The following ZDHHC2 variants were observed in gnomAD, a reference collection of about 807,000 sequenced individuals.
ZDHHC2 encodes zDHHC palmitoyltransferase 2.
Under a neutral mutation model 55.6 loss-of-function variants are expected in ZDHHC2, and 51 were observed. The ratio of observed to expected loss-of-function variants is 0.92; its 90% CI spans 0.73 to 1.16. The LOEUF (loss-of-function observed/expected upper bound fraction) is 1.16, where lower values mean the gene tolerates loss of function less well. Ranked by LOEUF, ZDHHC2 falls within the 50% of genes most tolerant of loss-of-function variation. The pLI, the probability that ZDHHC2 is intolerant of heterozygous loss-of-function variation, is 0.00. For synonymous variants in ZDHHC2, 199 were observed against 152.9 expected (o/e 1.30, Z -2.22); for missense variants, 491 against 442.4 (o/e 1.11, Z -0.99).
chr8:17,224,356 G>A lies in ZDHHC2; in HGVS notation c.*4135G>A, dbSNP rs940735504. On this transcript the variant is annotated 3_prime_UTR_variant, in exon 13 of 13. Transcript: ENST00000262096. ...AAATGTCTGTTAAGGCTAATCATCT[G>A]AGTGATTTGAGTAGCAATTAAACCA... The A allele has an allele frequency of 2.0e-5, 3 of 151,668 alleles. No individual in the cohort carries two copies. The highest frequency in any genetic ancestry group is 6.6e-5 in the Admixed American group (1 of 15,180). 9.4% of individuals were successfully genotyped at this position (151,668 alleles called of 1,614,324 possible). A position where few individuals can be genotyped will look rare whatever the true frequency, so the allele number is the denominator to read the frequency against.
At chr8:17,198,710 A>G (rs1806454139) in intron 6 of ZDHHC2, among the ~76,000 whole-genome samples, 1 of 152,224 alleles carries the variant, frequency 6.6e-6, no homozygotes, top group Non-Finnish European at 1.5e-5. Flanking sequence ...AGAATACTTC[A>G]CAGAAATACA....
intron 2 of ZDHHC2, 115 bp downstream of exon 2, chr8:17,184,930 AG>A: frequency 1.1e-6 from 1 of 877,492 alleles, no homozygotes; most frequent in East Asian, 2.7e-5. Flanking sequence ...GAGACAAGCT[AG>A]GGTTAAAGAT....
intron 1 of ZDHHC2, among the ~76,000 whole-genome samples, chr8:17,179,812 G>C (rs1001493231): frequency 6.6e-6 from 1 of 152,212 alleles, no homozygotes; most frequent in African/African-American, 2.4e-5. Context: ...CCTATATACC[G>C]TCAGGGCCAA....
intron 6 of ZDHHC2, among the ~76,000 whole-genome samples, chr8:17,204,742 A>G (rs950490605): frequency 2.0e-5 from 3 of 152,176 alleles, no homozygotes; most frequent in Non-Finnish European, 4.4e-5. Context: ...GAAATAATCT[A>G]TACAACAGAC....
At chr8:17,168,086 C>T (rs1021186043) in intron 1 of ZDHHC2, among the ~76,000 whole-genome samples, 22 of 151,998 alleles carry the variant, frequency 1.4e-4, no homozygotes, top group East Asian at 5.8e-4. Flanking sequence ...GCAGTAAATC[C>T]GAGATAGATA....
chr8:17,176,670 G>A (rs1342924929), intron 1 of ZDHHC2, among the ~76,000 whole-genome samples: 2 of 152,136 alleles, frequency 1.3e-5, no homozygotes, highest in Non-Finnish European at 1.5e-5. Flanking sequence ...TCAAGGGAGG[G>A]TACAATGTTA....
chr8:17,214,910 A>G (rs1200573068), intron 10 of ZDHHC2, among the ~76,000 whole-genome samples: 1 of 152,148 alleles, frequency 6.6e-6, no homozygotes, highest in African/African-American at 2.4e-5. Context: ...AAATACATAC[A>G]TAAAATTGAT....
intron 1 of ZDHHC2, among the ~76,000 whole-genome samples, chr8:17,182,445 T>TA (rs1331471091): frequency 2.0e-5 from 3 of 152,144 alleles, no homozygotes; most frequent in African/African-American, 7.2e-5. Context: ...TAAACAGAGT[T>TA]ACGTTTACAG....
chr8:17,182,758 C>CT (rs1279064245), intron 1 of ZDHHC2, among the ~76,000 whole-genome samples: 1 of 151,116 alleles, frequency 6.6e-6, no homozygotes. Flanking sequence ...CCAACTACAC[C>CT]TTTTTTTTTG....
At position 17,223,824 on chromosome 8, in the gene ZDHHC2, T is replaced by C. The variant is rs1043054067; in HGVS notation, c.*3603T>C. ...GAACACAGGAAATTGTTAAACCTTA[T>C]AATGTTGCAAACCATGCATTTTCCT... is the stretch of plus-strand genomic sequence containing the variant. On this transcript the variant is annotated 3_prime_UTR_variant, in exon 13 of 13. Coordinates refer to ENST00000262096, the MANE Select transcript of ZDHHC2 (RefSeq NM_016353.5). 5 of 151,938 alleles carry C rather than the reference T, an allele frequency of 3.3e-5. No individual in the cohort carries two copies. The highest frequency in any genetic ancestry group is 1.2e-4 in the African/African-American group (5 of 41,536). The allele number at this position is 151,938 out of a possible 1,614,324, so 9.4% of individuals were successfully genotyped here. A position where few individuals can be genotyped will look rare whatever the true frequency, so the allele number is the denominator to read the frequency against.
chr8:17,201,256 C>G lies in ZDHHC2; in HGVS notation c.476+2843C>G, dbSNP rs532794419. On this transcript the variant is annotated intron_variant, in intron 6 of 12. Coordinates refer to ENST00000262096, the MANE Select transcript of ZDHHC2 (RefSeq NM_016353.5). Reference sequence around the variant, plus strand: ...ATGTATGTGTGCATAGCCTATAAACCCCCTTGTTATTTATTTATTTATTTT... The same window carrying G: ...ATGTATGTGTGCATAGCCTATAAACGCCCTTGTTATTTATTTATTTATTTT... Among the ~76,000 whole-genome samples the G allele has an allele frequency of 3.9e-5, 6 of 152,002 alleles. No individual in the cohort carries two copies. The East Asian group carries it at 9.7e-4, about 24-fold the overall frequency.
intron 6 of ZDHHC2, among the ~76,000 whole-genome samples, chr8:17,204,370 G>A (rs752469090): frequency 1.3e-5 from 2 of 152,198 alleles, no homozygotes; most frequent in Non-Finnish European, 2.9e-5. Flanking sequence ...ATATGTGTAT[G>A]TTCTGTGCAA....
chr8:17,177,967 A>G (rs1186553002), intron 1 of ZDHHC2, among the ~76,000 whole-genome samples: 1 of 152,196 alleles, frequency 6.6e-6, no homozygotes, highest in Middle Eastern at 3.2e-3. Context: ...AAATGTTAAA[A>G]TCACAGCAAT....
intron 5 of ZDHHC2, among the ~76,000 whole-genome samples, chr8:17,198,099 A>T (rs959205739): frequency 6.6e-6 from 1 of 152,182 alleles, no homozygotes; most frequent in African/African-American, 2.4e-5. Flanking sequence ...TCTTTAGCCT[A>T]AGATAGTTGT....
chr8:17,204,295 A>G (rs577811060), intron 6 of ZDHHC2, among the ~76,000 whole-genome samples: 22 of 152,324 alleles, frequency 1.4e-4, no homozygotes, highest in Non-Finnish European at 2.2e-4. Context: ...AGCTAAGTCA[A>G]TGGAGAGTGA....
intron 11 of ZDHHC2, 95 bp downstream of exon 11, chr8:17,215,444 T>C (rs1312551287): frequency 2.1e-6 from 2 of 974,292 alleles, no homozygotes; most frequent in African/African-American, 3.3e-5. Flanking sequence ...TACAGATGTT[T>C]TCTTAGTTTG....
chr8:17,210,792 C>T (rs1030099442), intron 10 of ZDHHC2, among the ~76,000 whole-genome samples: 1 of 152,080 alleles, frequency 6.6e-6, no homozygotes, highest in African/African-American at 2.4e-5. Context: ...ATTAGCTACC[C>T]ACTGCTCAGG....
intron 11 of ZDHHC2, among the ~76,000 whole-genome samples, chr8:17,216,579 G>T (rs1213820080): frequency 1.3e-5 from 2 of 152,126 alleles, no homozygotes; most frequent in African/African-American, 2.4e-5. Context: ...ATAGTTGGGG[G>T]TCAATTGTTG....
At chr8:17,201,477 C>CTTTT in intron 6 of ZDHHC2, among the ~76,000 whole-genome samples, 1 of 92,648 alleles carries the variant, frequency 1.1e-5, no homozygotes, top group Non-Finnish European at 2.5e-5. Context: ...TTCTCTCTCT[C>CTTTT]TCTCTTTTTT....
Sources: gnomAD v4.1 joint callset for allele counts (sites outside exome capture counted in the v4.1 genomes callset) on GRCh38, gnomAD v4.1.1 for gene constraint, MANE v1.5 for transcripts, NCBI Gene and HGNC (gene_info 2026-07-23, HGNC 2026-07-21) for gene names.